ARAP1: variants seen among roughly 807,000 people sequenced by gnomAD.
ARAP1 encodes the protein arf-GAP with Rho-GAP domain, ANK repeat and PH domain-containing protein 1.
A neutral mutation model predicts 172.2 loss-of-function variants in ARAP1; 76 were observed. The observed-to-expected ratio is 0.44, with a 90% CI of 0.37 to 0.53. ARAP1 has a LOEUF of 0.53. Ranked by LOEUF, ARAP1 falls within the 20% of genes least tolerant of loss-of-function variation. The pLI is 0.00. For synonymous variants in ARAP1, 804 were observed against 803.3 expected (o/e 1.00, Z -0.01); for missense variants, 1,686 against 1,977.5 (o/e 0.85, Z 2.80).
At chr11:72,721,710 C>T in intron 3 of ARAP1, 1 of 784,856 alleles carries the variant, frequency 1.3e-6, no homozygotes, top group Non-Finnish European at 1.5e-6. Flanking sequence ...TAAGACAAAA[C>T]TCTAAGAGAA....
intron 12 of ARAP1, 33 bp from the exon 13 acceptor site, chr11:72,705,923 G>A: frequency 6.2e-7 from 1 of 1,610,256 alleles, no homozygotes; most frequent in South Asian, 1.1e-5. Context: ...AGAATCACCT[G>A]GGCCCCCCCT....
chr11:72,722,835 C>G (rs984722833), intron 3 of ARAP1, among the ~76,000 whole-genome samples: 1 of 152,202 alleles, frequency 6.6e-6, no homozygotes, highest in African/African-American at 2.4e-5. Flanking sequence ...CCCTCTGCCA[C>G]CCTCAGGGAA....
chr11:72,697,302 C>T, intron 21 of ARAP1, 21 bp downstream of exon 21: 1 of 1,573,832 alleles, frequency 6.4e-7, no homozygotes, highest in Non-Finnish European at 8.6e-7. Context: ...GCGGGGCTGG[C>T]ACCCTAGGGG....
rs1857656839 is a variant in ARAP1, at chr11:72,725,356, G to A, written c.509+1264C>T. Reference sequence around the variant, plus strand: ...TCTCTCCCCCCCACAAGCTGATGGGGTTGAAATAGAAAACGCTCCTGCATG... The same window carrying A: ...TCTCTCCCCCCCACAAGCTGATGGGATTGAAATAGAAAACGCTCCTGCATG... On this transcript the variant is annotated intron_variant, in intron 3 of 34. Transcript: ENST00000393609. This position sits in a 1 kb window ranked among gnomAD's most constrained non-coding sequence, Gnocchi z 4.3. Among the ~76,000 whole-genome samples the A allele has an allele frequency of 6.6e-6, 1 of 150,790 alleles. No homozygotes were observed. The highest frequency in any genetic ancestry group is 1.5e-5 in the Non-Finnish European group (1 of 67,402).
At chr11:72,748,001 T>C (rs1225271730) in intron 1 of ARAP1, among the ~76,000 whole-genome samples, 1 of 152,236 alleles carries the variant, frequency 6.6e-6, no homozygotes, top group Non-Finnish European at 1.5e-5. Flanking sequence ...TGTGAAGCAA[T>C]GGAAATGTAG....
At chr11:72,722,155 G>C (rs1591225652) in intron 3 of ARAP1, 1 of 440,236 alleles carries the variant, frequency 2.3e-6, no homozygotes, top group Non-Finnish European at 2.9e-6. Flanking sequence ...AAAGGACAGA[G>C]AGAGAGAGAG....
Position 72,727,098 on chromosome 11 carries a change from C to T in ARAP1, c.31G>A (p.Val11Met). ...TGCAATGCCCGCAGCCACTCGGCCA[C>T]CGATAGCGCAGCATCCCCAGCCTCT... is the stretch of plus-strand genomic sequence containing the variant. Reference protein sequence around the residue: MAEAGDAALSVAEWLRALHLE... With the variant: MAEAGDAALSMAEWLRALHLE... The change falls in exon 3 of 35, where the codon GTG becomes ATG. Residue 11 changes from valine (V) to methionine (M), a missense_variant. Transcript: ENST00000393609. The T allele has an allele frequency of 6.3e-7, 1 of 1,595,002 alleles. No homozygotes were observed. Among genetic ancestry groups the T allele is most frequent in the South Asian group, 1.1e-5 (1 of 90,618 alleles).
chr11:72,695,414 C>T lies in ARAP1; in HGVS notation c.3549G>A (p.Lys1183=), dbSNP rs752874377. The T allele has an allele frequency of 2.0e-5, 32 of 1,614,118 alleles. No homozygotes were observed. Among genetic ancestry groups the T allele is most frequent in the Non-Finnish European group, 2.4e-5 (28 of 1,180,056 alleles). ...TGATATGCTGCTCAGTCTCTGCCTT[C>T]TTCTCTTCCAGATACACTGTGCAGA... The part of the protein sequence containing the change: ...DFICTVYLEE[K]KAETEQHIKV... The change falls in exon 26 of 35, where the codon AAG becomes AAA. Residue 1183 remains lysine (K), a synonymous_variant. Transcript: ENST00000393609. The surrounding 1 kb of genome is among the most constrained non-coding windows in gnomAD (Gnocchi z 4.4).
Position 72,699,162 on chromosome 11 carries a change from C to T in ARAP1, c.2439-55G>A. The T allele has an allele frequency of 1.9e-6, 3 of 1,571,022 alleles. No homozygotes were observed. Among genetic ancestry groups the T allele is most frequent in the Non-Finnish European group, 2.6e-6 (3 of 1,143,486 alleles). ...CACCTCATCCAGCACGGGCCCACCC[C>T]CAACCCGCACCATCAACCGCCATCC... is the stretch of plus-strand genomic sequence containing the variant. On this transcript the variant is annotated intron_variant, in intron 17 of 34. Coordinates refer to ENST00000393609, the MANE Select transcript of ARAP1 (RefSeq NM_001040118.3). This position sits in a 1 kb window ranked among gnomAD's most constrained non-coding sequence, Gnocchi z 4.2.
Position 72,704,438 on chromosome 11 carries a change from A to G in ARAP1, c.1810-104T>C, listed in dbSNP as rs1295650164. 20 of 1,275,140 alleles carry G rather than the reference A, an allele frequency of 1.6e-5. No individual in the cohort carries two copies. In the East Asian group the frequency reaches 4.3e-4, roughly 28 times the overall value. 79.0% of individuals were successfully genotyped at this position (1,275,140 alleles called of 1,614,324 possible). Reference sequence around the variant, plus strand: ...TGTTAGGAAAGGGGCTGGGAGAGCCAGGCCATCTGCCCACTTTCCCAATGG... The same window carrying G: ...TGTTAGGAAAGGGGCTGGGAGAGCCGGGCCATCTGCCCACTTTCCCAATGG... On this transcript the variant is annotated intron_variant, in intron 13 of 34. Coordinates refer to ENST00000393609, the MANE Select transcript of ARAP1 (RefSeq NM_001040118.3).
chr11:72,716,122 G>A (rs1857259002), intron 3 of ARAP1, among the ~76,000 whole-genome samples: 1 of 141,042 alleles, frequency 7.1e-6, no homozygotes, highest in African/African-American at 2.7e-5. Flanking sequence ...GCAGTGAGCC[G>A]AGATCGCGCC....
intron 1 of ARAP1, among the ~76,000 whole-genome samples, chr11:72,735,437 A>T (rs1281315119): frequency 3.3e-5 from 5 of 152,084 alleles, no homozygotes; most frequent in Non-Finnish European, 5.9e-5. Context: ...TCTACTAAAA[A>T]TACAAAAAAT....
chr11:72,691,156 G>A (rs1041890060), intron 30 of ARAP1, among the ~76,000 whole-genome samples: 1 of 152,238 alleles, frequency 6.6e-6, no homozygotes, highest in African/African-American at 2.4e-5. Context: ...TACACTTATA[G>A]ATGGCCTTGG....
At chr11:72,742,938 G>T (rs1644499209) in intron 1 of ARAP1, among the ~76,000 whole-genome samples, 2 of 152,146 alleles carry the variant, frequency 1.3e-5, no homozygotes, top group Admixed American at 6.5e-5. Context: ...CAACTGCTGG[G>T]TCCCGAGCTC....
chr11:72,746,660 C>T (rs1858375730), intron 1 of ARAP1, among the ~76,000 whole-genome samples: 1 of 151,558 alleles, frequency 6.6e-6, no homozygotes, highest in African/African-American at 2.4e-5. Flanking sequence ...TGGAACAGCC[C>T]CCTCCCCCCA....
chr11:72,695,990 AAC>A lies in ARAP1; in HGVS notation c.3273-127_3273-126del. 8.0e-7 allele frequency: 1 copy of A among 1,255,744 alleles called. No individual in the cohort carries two copies. The highest frequency in any genetic ancestry group is 1.1e-6 in the Non-Finnish European group (1 of 934,480). The allele number at this position is 1,255,744 out of a possible 1,614,324, so 77.8% of individuals were successfully genotyped here. ...GGGGACCACTGTTTAACAGGGTAGG[AAC>A]AGTTTTTCTGGCCATATCTTGGGTC... On this transcript the variant is annotated intron_variant, in intron 23 of 34. Transcript: ENST00000393609. This position sits in a 1 kb window ranked among gnomAD's most constrained non-coding sequence, Gnocchi z 4.4.
At position 72,697,955 on chromosome 11, in the gene ARAP1, C is replaced by A; in HGVS notation, c.2693G>T (p.Gly898Val). 1 of 1,611,434 alleles carries A rather than the reference C, an allele frequency of 6.2e-7. No homozygotes were observed. Among genetic ancestry groups the A allele is most frequent in the Non-Finnish European group, 8.5e-7 (1 of 1,178,996 alleles). The change falls in exon 19 of 35, where the codon GGG becomes GTG. Residue 898 changes from glycine to valine, a missense_variant. Gly to Val is a moderately radical substitution (Grantham distance 109, BLOSUM62 -3). Transcript: ENST00000393609. The stretch of plus-strand genomic sequence containing the variant: ...TAGTTGCAGCGGCTCTTCGCAGGGC[C>A]CCTCCGGGAAGACAGCACGGAGCTC... Reference protein sequence around the residue: ...GSELRAVFPEGPCEEPLQLRK... With the variant: ...GSELRAVFPEVPCEEPLQLRK...
chr11:72,712,735 G>T, intron 5 of ARAP1, 167 bp from the exon 6 acceptor site: 2 of 1,133,980 alleles, frequency 1.8e-6, no homozygotes, highest in Non-Finnish European at 1.3e-6. Context: ...ACCACACAGA[G>T]ACCCAGATCA....
In ARAP1 at chr11:72,720,734, G is replaced by A. The variant is rs549107825; in HGVS notation, c.509+5886C>T. Among the ~76,000 whole-genome samples, 25 of 152,272 alleles carry A rather than the reference G, an allele frequency of 1.6e-4. 1 individual carries two copies. The highest frequency in any genetic ancestry group is 5.2e-4 in the Admixed American group (8 of 15,300). ...CTACCACTTGCTAAGCGCTCACTAT[G>A]TGCCAAACATTCTGCTAGGGGCTTT... On this transcript the variant is annotated intron_variant, in intron 3 of 34. Transcript: ENST00000393609.
Sources: gnomAD v4.1 joint callset for allele counts (sites outside exome capture counted in the v4.1 genomes callset) on GRCh38, gnomAD v4.1.1 for gene constraint, Gnocchi (gnomAD v3.1) non-coding constraint, MANE v1.5 for transcripts, NCBI Gene and HGNC (gene_info 2026-07-23, HGNC 2026-07-21) for gene names.